The following NCOR1 variants were observed in gnomAD, a reference collection of about 807,000 sequenced individuals.
NCOR1 encodes the protein protein phosphatase 1, regulatory subunit 109.
A neutral mutation model predicts 288.1 loss-of-function variants in NCOR1; 63 were observed. That is an observed-to-expected ratio of 0.22 (90% CI 0.18 to 0.27). The LOEUF is 0.27. NCOR1 is among the 10% of genes least tolerant of loss of function. NCOR1 has a pLI of 1.00. For missense variants in NCOR1, 2,397 were observed against 3,019.2 expected, an observed-to-expected ratio of 0.79 and a Z score of 4.83; for synonymous variants, 1,007 against 1,065.9, an observed-to-expected ratio of 0.94 and a Z score of 1.08.
At chr17:16,150,438 T>C (rs1030492336) in intron 8 of NCOR1, among the ~76,000 whole-genome samples, 1 of 152,194 alleles carries the variant, frequency 6.6e-6, no homozygotes, top group Non-Finnish European at 1.5e-5. Flanking sequence ...TTCCAAAAGG[T>C]GTCGTACAGG....
Position 16,215,479 on chromosome 17 carries a change from C to A in NCOR1, c.-188G>T. 1 of 398,716 alleles carries A rather than the reference C, an allele frequency of 2.5e-6. No homozygotes were observed. The highest frequency in any genetic ancestry group is 4.4e-6 in the Non-Finnish European group (1 of 226,320). 24.7% of individuals were successfully genotyped at this position (398,716 alleles called of 1,614,324 possible). ...GGCGCGGCGAGTCGGACGCTCACTC[C>A]AGCCGCCGCCGCCGCCGCGGCTGCT... On this transcript the variant is annotated 5_prime_UTR_variant, in exon 1 of 46. Coordinates refer to ENST00000268712, the MANE Select transcript of NCOR1 (RefSeq NM_006311.4).
Position 16,194,586 on chromosome 17 carries a change from C to G in NCOR1, c.-17G>C, listed in dbSNP as rs777596934. Reference sequence around the variant, plus strand: ...ACTTGACATTATCAGTAAAGAAGTCCTCACCAGACTGTGAGATCAATGCCA... The same window carrying G: ...ACTTGACATTATCAGTAAAGAAGTCGTCACCAGACTGTGAGATCAATGCCA... On this transcript the variant is annotated 5_prime_UTR_variant, in exon 2 of 46. Coordinates refer to ENST00000268712, the MANE Select transcript of NCOR1 (RefSeq NM_006311.4). 131 of 1,472,252 alleles carry G rather than the reference C, an allele frequency of 8.9e-5. No homozygotes were observed. Among genetic ancestry groups the G allele is most frequent in the Non-Finnish European group, 1.2e-4 (127 of 1,062,922 alleles). 91.2% of individuals were successfully genotyped at this position (1,472,252 alleles called of 1,614,324 possible).
Position 16,057,692 on chromosome 17 carries a change from T to G in NCOR1, c.6214A>C (p.Thr2072Pro), listed in dbSNP as rs768134741. The G allele has an allele frequency of 9.9e-6, 16 of 1,613,580 alleles. No homozygotes were observed. In the South Asian group the frequency reaches 1.4e-4, roughly 14 times the overall value. The part of the protein sequence containing the change: ...DFARNQVSSQ[T>P]PQQPPTSTFQ... ...GTAGAAGTAGGAGGCTGCTGGGGAG[T>G]CTGCGAGGAAACTTGATTTCTAGCA... The change falls in exon 40 of 46, where the codon ACT becomes CCT. Residue 2072 changes from threonine (T) to proline (P), a missense_variant. Around this residue, in one of 11 missense-constraint regions of NCOR1, gnomAD observed 1,872 missense variants for 2,187.8 expected, o/e 0.86. Transcript: ENST00000268712.
intron 42 of NCOR1, among the ~76,000 whole-genome samples, chr17:16,041,768 A>G (rs920354955): frequency 7.4e-6 from 1 of 134,722 alleles, no homozygotes; most frequent in African/African-American, 2.8e-5. Context: ...ACGGAGTCTC[A>G]CTCTGCCGCC....
intron 6 of NCOR1, among the ~76,000 whole-genome samples, chr17:16,156,865 T>A (rs1322890578): frequency 2.0e-5 from 3 of 152,134 alleles, no homozygotes; most frequent in Non-Finnish European, 4.4e-5. Context: ...CAAATCCCAG[T>A]GAGGCAACCA....
chr17:16,170,761 G>A (rs1043251477), intron 4 of NCOR1, among the ~76,000 whole-genome samples: 1 of 151,110 alleles, frequency 6.6e-6, no homozygotes, highest in Admixed American at 6.6e-5. Context: ...CTTGAACCAG[G>A]ACCCGGGAGG....
chr17:16,089,805 T>C lies in NCOR1; in HGVS notation c.3016+2058A>G, dbSNP rs1338516258. ...AAATGTTATTTGAAAGGTTATCCTA[T>C]ACACTGAACTACAGGATAGACTCAA... On this transcript the variant is annotated intron_variant, in intron 22 of 45. Coordinates refer to ENST00000268712, the MANE Select transcript of NCOR1 (RefSeq NM_006311.4). 3.3e-5 allele frequency among the ~76,000 whole-genome samples: 5 copies of C among 152,140 alleles called. No homozygotes were observed. In the East Asian group the frequency reaches 5.8e-4, roughly 18 times the overall value.
chr17:16,108,682 G>A (rs2153052300), intron 19 of NCOR1, 104 bp downstream of exon 19: 2 of 924,264 alleles, frequency 2.2e-6, no homozygotes, highest in Non-Finnish European at 3.1e-6. Flanking sequence ...TGAAAACACT[G>A]GCACACTGTT....
Position 16,112,030 on chromosome 17 carries a change from C to T in NCOR1, c.2056-3118G>A, listed in dbSNP as rs566809814. Among the ~76,000 whole-genome samples, 45 of 152,046 alleles carry T rather than the reference C, an allele frequency of 3.0e-4. 1 individual carries two copies. The highest frequency in any genetic ancestry group is 1.1e-3 in the African/African-American group (44 of 41,478). ...GACTACAGGTGCCCGCCACCATGCC[C>T]GGCTAATTTTTTGTACTTTTAGTAG... On this transcript the variant is annotated intron_variant, in intron 18 of 45. Transcript: ENST00000268712.
chr17:16,171,962 A>C lies in NCOR1; in HGVS notation c.276T>G (p.Phe92Leu). The C allele has an allele frequency of 6.2e-7, 1 of 1,600,654 alleles. No individual in the cohort carries two copies. The highest frequency in any genetic ancestry group is 8.5e-7 in the Non-Finnish European group (1 of 1,174,678). ...GATCCACTGGGGATGGGCCTGGATGAAACGGTTCATAACTAGTTCTCCTTT... is the reference window on the plus strand; with the variant it reads ...GATCCACTGGGGATGGGCCTGGATGCAACGGTTCATAACTAGTTCTCCTTT... The part of the protein sequence containing the change: ...PQERRTSYEP[F>L]HPGPSPVDHD... The change falls in exon 4 of 46, where the codon TTT (phenylalanine) becomes TTG (leucine). Residue 92 changes from phenylalanine to leucine, a missense_variant. This residue lies in a region of NCOR1 where 110 missense variants were observed against 123.2 expected (regional missense o/e 0.89). Coordinates refer to ENST00000268712, the MANE Select transcript of NCOR1 (RefSeq NM_006311.4).
intron 1 of NCOR1, among the ~76,000 whole-genome samples, chr17:16,209,948 C>CA (rs561764413): frequency 0.011 from 1,603 of 141,716 alleles, 30 homozygotes; most frequent in African/African-American, 0.035. Flanking sequence ...GAGACTCTGT[C>CA]AAAAAAAAAA....
intron 21 of NCOR1, among the ~76,000 whole-genome samples, chr17:16,093,601 T>C (rs2065793947): frequency 6.6e-6 from 1 of 152,030 alleles, no homozygotes; most frequent in South Asian, 2.1e-4. Flanking sequence ...GAGGTCTGAC[T>C]TTTTTTTAGA....
intron 23 of NCOR1, among the ~76,000 whole-genome samples, chr17:16,081,035 CTAT>C (rs1401606586): frequency 4.0e-5 from 6 of 151,788 alleles, no homozygotes; most frequent in African/African-American, 1.5e-4. Flanking sequence ...ATGTAAGCTA[CTAT>C]TATTAATATT....
intron 18 of NCOR1, among the ~76,000 whole-genome samples, chr17:16,110,551 A>AT (rs1457102586): frequency 6.6e-6 from 1 of 152,214 alleles, no homozygotes; most frequent in Non-Finnish European, 1.5e-5. Flanking sequence ...TCATGTTACT[A>AT]AATAGAAGGC....
At chr17:16,125,701 C>CAAAA (rs71353771) in intron 15 of NCOR1, among the ~76,000 whole-genome samples, 47 of 82,278 alleles carry the variant, frequency 5.7e-4, no homozygotes, top group African/African-American at 7.0e-4. Context: ...GACGCCATCA[C>CAAAA]AAAAAAAAAA....
At chr17:16,067,523 GCC>G (rs1900502877) in intron 32 of NCOR1, among the ~76,000 whole-genome samples, 1 of 152,198 alleles carries the variant, frequency 6.6e-6, no homozygotes, top group African/African-American at 2.4e-5. Context: ...TTATGAAAAA[GCC>G]TTGGCATTAG....
At chr17:16,055,630 G>C (rs1264239997) in intron 40 of NCOR1, among the ~76,000 whole-genome samples, 1 of 152,098 alleles carries the variant, frequency 6.6e-6, no homozygotes, top group Non-Finnish European at 1.5e-5. Context: ...CACGACTCAA[G>C]TTTACCTATA....
intron 36 of NCOR1, 60 bp from the exon 37 acceptor site, chr17:16,061,954 G>A (rs73981431): frequency 0.033 from 51,420 of 1,566,974 alleles, 1,036 homozygotes; most frequent in African/African-American, 0.089. Flanking sequence ...GGAATGTGGT[G>A]GGGAGATGGA....
chr17:16,207,732 C>T (rs1282359507), intron 1 of NCOR1, among the ~76,000 whole-genome samples: 38 of 144,472 alleles, frequency 2.6e-4, no homozygotes, highest in African/African-American at 9.8e-4. Context: ...GAGCGAGACT[C>T]CATCTCCAAA....
Sources: gnomAD v4.1 joint callset for allele counts (sites outside exome capture counted in the v4.1 genomes callset) on GRCh38, gnomAD v4.1.1 for gene constraint, gnomAD v4.1.1 regional missense constraint, MANE v1.5 for transcripts, NCBI Gene and HGNC (gene_info 2026-07-23, HGNC 2026-07-21) for gene names.